Variants in IPCEF1 observed in about 807,000 individuals in gnomAD.
IPCEF1 encodes the protein interactor protein for cytohesin exchange factors 1.
In IPCEF1, 31 loss-of-function variants were observed where a neutral mutation model predicts 50.9. The observed-to-expected ratio is 0.61, with a 90% CI of 0.46 to 0.82. The LOEUF (loss-of-function observed/expected upper bound fraction) is 0.82. Ranked by LOEUF, IPCEF1 falls within the 40% of genes least tolerant of loss-of-function variation. The pLI, the probability that IPCEF1 is intolerant of heterozygous loss-of-function variation, is 0.00. For synonymous variants in IPCEF1, 181 were observed against 192.0 expected (o/e 0.94, Z 0.47); for missense variants, 458 against 514.0 (o/e 0.89, Z 1.05).
chr6:154,269,524 C>G (rs984100665), intron 2 of IPCEF1, among the ~76,000 whole-genome samples: 8 of 151,740 alleles, frequency 5.3e-5, no homozygotes, highest in African/African-American at 1.7e-4. Flanking sequence ...AAAATAGAGA[C>G]AGGGTCTTGC....
At chr6:154,280,698 C>T (rs1286492568) in intron 2 of IPCEF1, among the ~76,000 whole-genome samples, 1 of 152,116 alleles carries the variant, frequency 6.6e-6, no homozygotes, top group Non-Finnish European at 1.5e-5. Context: ...CCACAAATGG[C>T]AGGAGAGTGG....
At chr6:154,245,977 C>A (rs1226373424) in intron 5 of IPCEF1, among the ~76,000 whole-genome samples, 1 of 152,200 alleles carries the variant, frequency 6.6e-6, no homozygotes, top group East Asian at 1.9e-4. Context: ...AGGCAACTAT[C>A]TTTTCAAATG....
chr6:154,337,612 A>T (rs1783814958), intron 1 of IPCEF1, among the ~76,000 whole-genome samples: 1 of 152,240 alleles, frequency 6.6e-6, no homozygotes, highest in African/African-American at 2.4e-5. Context: ...AAAGAGGCAC[A>T]GCAACGAGGA....
chr6:154,322,247 TG>T (rs1363553698), intron 1 of IPCEF1, among the ~76,000 whole-genome samples: 1 of 152,074 alleles, frequency 6.6e-6, no homozygotes, highest in Non-Finnish European at 1.5e-5. Flanking sequence ...CTGGGCAAGG[TG>T]TCTCACACCT....
At chr6:154,333,425 T>C (rs117611294) in intron 1 of IPCEF1, among the ~76,000 whole-genome samples, 3,210 of 152,052 alleles carry the variant, frequency 0.021, 60 homozygotes, top group Non-Finnish European at 0.032. Flanking sequence ...TTCCTGCCCC[T>C]GAACATCAGA....
At chr6:154,274,084 GTCATTCT>G (rs2128659784) in intron 2 of IPCEF1, among the ~76,000 whole-genome samples, 1 of 150,580 alleles carries the variant, frequency 6.6e-6, no homozygotes, top group South Asian at 2.1e-4. Context: ...AGCTCAAAGT[GTCATTCT>G]GATTCCAATC....
intron 2 of IPCEF1, among the ~76,000 whole-genome samples, chr6:154,271,195 C>CA (rs141674700): frequency 0.32 from 43,710 of 137,364 alleles, 6,833 homozygotes; most frequent in Middle Eastern, 0.45. Context: ...CCCATCTCTA[C>CA]AAAAAAAAAA....
intron 3 of IPCEF1, among the ~76,000 whole-genome samples, chr6:154,249,313 C>A (rs1781280421): frequency 6.6e-6 from 1 of 152,056 alleles, no homozygotes; most frequent in East Asian, 1.9e-4. Flanking sequence ...CAGTAAAACC[C>A]AACTAGTACC....
At chr6:154,259,273 G>T (rs1257823375) in intron 3 of IPCEF1, among the ~76,000 whole-genome samples, 1 of 152,148 alleles carries the variant, frequency 6.6e-6, no homozygotes, top group Non-Finnish European at 1.5e-5. Flanking sequence ...TCTACTAAAA[G>T]ACTATTTCCT....
At chr6:154,280,556 G>C (rs1412089415) in intron 2 of IPCEF1, among the ~76,000 whole-genome samples, 2 of 152,166 alleles carry the variant, frequency 1.3e-5, no homozygotes. Flanking sequence ...TTGAGAGAAA[G>C]AAGCTAGACA....
chr6:154,269,510 T>A (rs970459388), intron 2 of IPCEF1, among the ~76,000 whole-genome samples: 6 of 152,052 alleles, frequency 3.9e-5, no homozygotes, highest in African/African-American at 1.2e-4. Context: ...ATTTTAAATT[T>A]AAAAAAATAG....
intron 1 of IPCEF1, among the ~76,000 whole-genome samples, chr6:154,303,639 TG>T (rs1207721044): frequency 2.6e-5 from 4 of 152,174 alleles, no homozygotes; most frequent in Admixed American, 2.0e-4. Flanking sequence ...AATGTACTCC[TG>T]GCTAGGCACA....
At chr6:154,223,041 T>C (rs1413590386) in intron 6 of IPCEF1, 129 bp downstream of exon 6, 2 of 764,776 alleles carry the variant, frequency 2.6e-6, no homozygotes, top group Non-Finnish European at 4.5e-6. Context: ...TGCCAACCCA[T>C]AATGCTTCAA....
At chr6:154,290,103 A>C (rs1285847869) in intron 1 of IPCEF1, among the ~76,000 whole-genome samples, 2 of 152,218 alleles carry the variant, frequency 1.3e-5, no homozygotes, top group African/African-American at 4.8e-5. Context: ...TAACACTTGA[A>C]GCTGGTGATC....
chr6:154,162,706 T>C (rs1799122614), intron 11 of IPCEF1, among the ~76,000 whole-genome samples: 1 of 152,078 alleles, frequency 6.6e-6, no homozygotes, highest in Non-Finnish European at 1.5e-5. Context: ...CTGCTCTATC[T>C]ATGTTCATGC....
At chr6:154,271,845 G>A (rs986388647) in intron 2 of IPCEF1, among the ~76,000 whole-genome samples, 1 of 152,098 alleles carries the variant, frequency 6.6e-6, no homozygotes, top group South Asian at 2.1e-4. Context: ...AAATTAGCAG[G>A]GTATGGTGAT....
intron 3 of IPCEF1, 80 bp from the exon 4 acceptor site, chr6:154,247,568 T>C: frequency 8.5e-7 from 1 of 1,175,588 alleles, no homozygotes; most frequent in Non-Finnish European, 1.3e-6. Context: ...AGGGAGGAGG[T>C]GGCAGTGTTT....
At chr6:154,279,126 A>AT (rs1782142837) in intron 2 of IPCEF1, among the ~76,000 whole-genome samples, 1 of 151,214 alleles carries the variant, frequency 6.6e-6, no homozygotes, top group Non-Finnish European at 1.5e-5. Flanking sequence ...CTGTCTCAAA[A>AT]TAAAAAAAAA....
intron 3 of IPCEF1, among the ~76,000 whole-genome samples, chr6:154,251,397 C>A (rs7745296): frequency 0.13 from 20,423 of 152,158 alleles, 1,552 homozygotes; most frequent in Non-Finnish European, 0.17. Flanking sequence ...TTTTAAAAAA[C>A]CACAATGACA....
Sources: gnomAD v4.1 joint callset for allele counts (sites outside exome capture counted in the v4.1 genomes callset) on GRCh38, gnomAD v4.1.1 for gene constraint, MANE v1.5 for transcripts, NCBI Gene and HGNC (gene_info 2026-07-23, HGNC 2026-07-21) for gene names.